The following LRP1B variants were observed in gnomAD, a reference collection of about 807,000 sequenced individuals.
The protein encoded by LRP1B is LDL receptor related protein 1B.
Under a neutral mutation model 556.6 loss-of-function variants are expected in LRP1B, and 217 were observed. The ratio of observed to expected loss-of-function variants is 0.39; its 90% confidence interval spans 0.35 to 0.44. LRP1B has a LOEUF of 0.44. Among genes scored for constraint, LRP1B ranks in the 20% least tolerant of loss-of-function variants. The pLI is 1.00. For missense variants in LRP1B, 5,053 were observed against 5,620.8 expected (o/e 0.90, Z 3.23); for synonymous variants, 2,047 against 1,865.8 (o/e 1.10, Z -2.50).
intron 14 of LRP1B, among the ~76,000 whole-genome samples, chr2:141,007,638 A>G (rs571880088): frequency 2.4e-4 from 36 of 151,864 alleles, no homozygotes; most frequent in African/African-American, 8.2e-4. Flanking sequence ...ATGAAATTGT[A>G]TATTTAATAT....
At chr2:141,372,919 C>T (rs184710494) in intron 3 of LRP1B, among the ~76,000 whole-genome samples, 16 of 151,946 alleles carry the variant, frequency 1.1e-4, no homozygotes, top group African/African-American at 2.4e-4. Context: ...GGATTTGGTT[C>T]GTTCTTGTTT....
At chr2:140,801,282 A>T (rs534924717) in intron 32 of LRP1B, among the ~76,000 whole-genome samples, 1 of 152,324 alleles carries the variant, frequency 6.6e-6, no homozygotes, top group Non-Finnish European at 1.5e-5. Flanking sequence ...CGCCAATCAC[A>T]CTGGGGTAAG....
chr2:140,311,688 A>G (rs768077975), intron 83 of LRP1B, among the ~76,000 whole-genome samples: 1 of 151,942 alleles, frequency 6.6e-6, no homozygotes, highest in Non-Finnish European at 1.5e-5. Context: ...AGCCCAAAAA[A>G]GGCAAGTAGA....
Position 140,234,872 on chromosome 2 carries a change from C to G in LRP1B, c.13573G>C (p.Gly4525Arg). 1.3e-6 allele frequency: 1 copy of G among 775,090 alleles called. No individual in the cohort carries two copies. The highest frequency in any genetic ancestry group is 2.4e-6 in the Non-Finnish European group (1 of 414,562). The allele number at this position is 775,090 out of a possible 1,614,324, so 48.0% of individuals were successfully genotyped here. ...AGCTTGAAAGCACTGGGTCCTCCCC[C>G]TATGTACCTGGCCTGTATATAAACA... ...MIDPTKARYI[G>R]GGPSAFKLPH... Residue 4525 changes from glycine to arginine, a missense_variant, in exon 90 of 91, where the codon GGG becomes CGG. Around this residue, in one of 5 missense-constraint regions of LRP1B, gnomAD observed 551 missense variants for 592.0 expected, o/e 0.93. Coordinates refer to ENST00000389484, the MANE Select transcript of LRP1B (RefSeq NM_018557.3).
At chr2:141,926,729 T>C (rs1004503879) in intron 1 of LRP1B, among the ~76,000 whole-genome samples, 2 of 152,192 alleles carry the variant, frequency 1.3e-5, no homozygotes. Context: ...GGAATTAATA[T>C]GTATTTCCTT....
rs1234683941 is a variant in LRP1B at position 140,534,057 on chromosome 2, C to T, written c.7726G>A (p.Asp2576Asn). 1.2e-6 allele frequency: 2 copies of T among 1,613,558 alleles called. No homozygotes were observed. Among genetic ancestry groups the T allele is most frequent in the South Asian group, 2.2e-5 (2 of 91,048 alleles). The change falls in exon 47 of 91, where the codon GAC becomes AAC. Residue 2576 changes from aspartate to asparagine, a missense_variant. Asp to Asn is a conservative substitution (Grantham distance 23). Around this residue, in one of 5 missense-constraint regions of LRP1B, gnomAD observed 3,619 missense variants for 3,931.9 expected, o/e 0.92. Coordinates refer to ENST00000389484, the MANE Select transcript of LRP1B (RefSeq NM_018557.3). Reference sequence around the variant, plus strand: ...AATTCATCAGAGTTGTCTCCGCAGTCATTTTCTCCATCACATAACTTGCCA... The same window carrying T: ...AATTCATCAGAGTTGTCTCCGCAGTTATTTTCTCCATCACATAACTTGCCA... ...PHGKLCDGENDCGDNSDELDC... is the reference protein window; with the variant it reads ...PHGKLCDGENNCGDNSDELDC...
At chr2:140,468,825 T>C (rs1398036969) in intron 60 of LRP1B, among the ~76,000 whole-genome samples, 1 of 152,222 alleles carries the variant, frequency 6.6e-6, no homozygotes, top group Admixed American at 6.5e-5. Flanking sequence ...GGTTTTGGTG[T>C]TTGGTCAGAA....
Position 140,850,201 on chromosome 2 carries a change from C to G in LRP1B, c.4840G>C (p.Asp1614His), listed in dbSNP as rs762458785. Reference protein sequence around the residue: ...DIDDVTVIDFDASEERLYWTD... With the variant: ...DIDDVTVIDFHASEERLYWTD... Reference sequence around the variant, plus strand: ...CAGTATAAACGTTCCTCAGATGCATCGAAGTCTATCACAGTAACGTCATCA... The same window carrying G: ...CAGTATAAACGTTCCTCAGATGCATGGAAGTCTATCACAGTAACGTCATCA... Residue 1614 changes from aspartate (D) to histidine (H), a missense_variant, in exon 29 of 91, where the codon GAT (aspartate) becomes CAT (histidine). Asp to His is a moderately conservative substitution (Grantham distance 81, BLOSUM62 -1). Coordinates refer to ENST00000389484, the MANE Select transcript of LRP1B (RefSeq NM_018557.3). The G allele has an allele frequency of 6.2e-7, 1 of 1,613,128 alleles. No individual in the cohort carries two copies. Among genetic ancestry groups the G allele is most frequent in the Non-Finnish European group, 8.5e-7 (1 of 1,179,256 alleles).
intron 2 of LRP1B, among the ~76,000 whole-genome samples, chr2:141,553,421 T>C (rs1348241520): frequency 6.6e-6 from 1 of 151,468 alleles, no homozygotes; most frequent in Non-Finnish European, 1.5e-5. Context: ...CTTCATGAAC[T>C]CTCTTTTAAA....
intron 67 of LRP1B, among the ~76,000 whole-genome samples, chr2:140,384,447 A>G (rs2105195687): frequency 6.6e-6 from 1 of 152,318 alleles, no homozygotes; most frequent in African/African-American, 2.4e-5. Flanking sequence ...AAAACTGGTG[A>G]TTAAAGAAAT....
rs554693812 is a variant in LRP1B, at chr2:140,940,273, T to C, written c.3136+9962A>G. Among the ~76,000 whole-genome samples, 23 of 152,270 alleles carry C rather than the reference T, an allele frequency of 1.5e-4. 1 individual carries two copies. Among genetic ancestry groups the C allele is most frequent in the African/African-American group, 4.8e-4 (20 of 41,566 alleles). On this transcript the variant is annotated intron_variant, in intron 20 of 90. Coordinates refer to ENST00000389484, the MANE Select transcript of LRP1B (RefSeq NM_018557.3). ...AAGATACTGAACAATTTTTTATATG[T>C]TTATTTCAAAAATGGCTTATTCCAG...
chr2:142,108,880 C>T (rs1421653439), intron 1 of LRP1B, among the ~76,000 whole-genome samples: 1 of 152,134 alleles, frequency 6.6e-6, no homozygotes, highest in Non-Finnish European at 1.5e-5. Context: ...ACACCTGAGA[C>T]CTAGTTATAT....
chr2:142,104,492 G>A (rs1706679610), intron 1 of LRP1B, among the ~76,000 whole-genome samples: 1 of 152,098 alleles, frequency 6.6e-6, no homozygotes. Flanking sequence ...GCTCCAAATA[G>A]TTTCTTTAAA....
At chr2:140,315,218 C>A in intron 82 of LRP1B, 119 bp from the exon 83 acceptor site, 1 of 647,918 alleles carries the variant, frequency 1.5e-6, no homozygotes, top group Non-Finnish European at 2.4e-6. Context: ...ATAATTAACC[C>A]CAAGTACAAA....
chr2:140,647,735 T>C (rs1684534579), intron 41 of LRP1B, among the ~76,000 whole-genome samples: 1 of 152,214 alleles, frequency 6.6e-6, no homozygotes, highest in Admixed American at 6.5e-5. Flanking sequence ...AAAACCACAA[T>C]GAGATACCAT....
At position 140,666,103 on chromosome 2, in the gene LRP1B, C is replaced by T. The variant is rs147667519; in HGVS notation, c.6799+34147G>A. ...CTGCCCTCCAAGTTCAAGCGATTCT[C>T]CTGCCTCAGCCTCCCGAGTAGTTGG... On this transcript the variant is annotated intron_variant, in intron 41 of 90. Transcript: ENST00000389484. 4.5e-3 allele frequency among the ~76,000 whole-genome samples: 680 copies of T among 151,928 alleles called. 4 individuals are homozygous for T. Among genetic ancestry groups the T allele is most frequent in the South Asian group, 5.8e-3 (28 of 4,810 alleles).
intron 23 of LRP1B, among the ~76,000 whole-genome samples, chr2:140,902,597 G>A (rs1434268281): frequency 1.3e-5 from 2 of 152,114 alleles, no homozygotes; most frequent in Admixed American, 6.6e-5. Context: ...ATGTGGGGCA[G>A]GACCCCCTAA....
chr2:142,075,662 T>G (rs1352635356), intron 1 of LRP1B, among the ~76,000 whole-genome samples: 2 of 152,112 alleles, frequency 1.3e-5, no homozygotes, highest in South Asian at 4.1e-4. Context: ...ACTTTCTTTT[T>G]GGGAATTCAG....
At chr2:142,130,490 C>T (rs1030858698) in intron 1 of LRP1B, among the ~76,000 whole-genome samples, 158 bp downstream of exon 1, 5 of 152,194 alleles carry the variant, frequency 3.3e-5, no homozygotes, top group Non-Finnish European at 7.3e-5. Context: ...TCCCGCACCG[C>T]ACCTCTCACC....
Sources: allele counts gnomAD v4.1 joint callset (sites outside exome capture counted in the v4.1 genomes callset), GRCh38; gene constraint gnomAD v4.1.1; regional missense constraint gnomAD v4.1.1; transcripts MANE v1.5; gene names NCBI Gene and HGNC (gene_info 2026-07-23, HGNC 2026-07-21).